Variants in FAF1 observed in about 807,000 individuals in gnomAD.
FAF1 encodes the protein Fas associated factor 1, also known as FAS-associated factor 1.
FAF1 carries 25 observed loss-of-function variants against 92.5 expected under a neutral mutation model. The observed-to-expected ratio is 0.27, with a 90% CI of 0.20 to 0.38. The LOEUF is 0.38. Ranked by LOEUF, FAF1 falls within the 10% of genes least tolerant of loss-of-function variation. The pLI is 1.00. For missense variants in FAF1, 636 were observed against 793.3 expected (o/e 0.80, Z 2.38); for synonymous variants, 234 against 273.2 (o/e 0.86, Z 1.42).
chr1:50,904,273 T>C (rs560005425), intron 1 of FAF1, among the ~76,000 whole-genome samples: 10 of 152,212 alleles, frequency 6.6e-5, no homozygotes, highest in Non-Finnish European at 1.2e-4. Context: ...AAGGGACAAA[T>C]ACTGTATGAT....
chr1:50,882,613 TA>T, intron 1 of FAF1, among the ~76,000 whole-genome samples: 1 of 147,118 alleles, frequency 6.8e-6, no homozygotes, highest in Non-Finnish European at 1.5e-5. Flanking sequence ...AATAAATAAA[TA>T]AATAAATAAA....
intron 7 of FAF1, among the ~76,000 whole-genome samples, chr1:50,704,203 G>A (rs372148317): frequency 6.6e-6 from 1 of 151,994 alleles, no homozygotes; most frequent in African/African-American, 2.4e-5. Context: ...AGCATTTTTA[G>A]GCTATCTGCT....
At chr1:50,919,466 G>C (rs76331537) in intron 1 of FAF1, among the ~76,000 whole-genome samples, 1,978 of 151,804 alleles carry the variant, frequency 0.013, 43 homozygotes, top group African/African-American at 0.044. Context: ...TAAAATAAAG[G>C]CTGCCGGGGG....
At chr1:50,734,451 T>C (rs1659053673) in intron 6 of FAF1, among the ~76,000 whole-genome samples, 1 of 152,026 alleles carries the variant, frequency 6.6e-6, no homozygotes, top group African/African-American at 2.4e-5. Flanking sequence ...AAAACACATG[T>C]AGGCCGGCCA....
intron 1 of FAF1, among the ~76,000 whole-genome samples, chr1:50,952,681 G>T (rs533400330): frequency 1.3e-5 from 2 of 150,938 alleles, no homozygotes; most frequent in East Asian, 3.9e-4. Flanking sequence ...CTGCCCGGCC[G>T]CCCATCGTCT....
chr1:50,630,040 G>A (rs948332450), intron 8 of FAF1, among the ~76,000 whole-genome samples: 2 of 150,844 alleles, frequency 1.3e-5, no homozygotes, highest in African/African-American at 4.9e-5. Flanking sequence ...CCTGGCGACA[G>A]AGCGAGCCTC....
rs972227123 is a variant in FAF1, at chr1:50,439,998, C to T, written c.*1442G>A. On this transcript the variant is annotated 3_prime_UTR_variant, in exon 19 of 19. Coordinates refer to ENST00000396153, the MANE Select transcript of FAF1 (RefSeq NM_007051.3). ...GTGTAATTTTCCTGGCCAACATCCA[C>T]TTCTGGGCAGAAGGAAAATGAGCAG... is the stretch of plus-strand genomic sequence containing the variant. 2 of 152,240 alleles carry T rather than the reference C, an allele frequency of 1.3e-5. No homozygotes were observed. The highest frequency in any genetic ancestry group is 4.8e-5 in the African/African-American group (2 of 41,456). 9.4% of individuals were successfully genotyped at this position (152,240 alleles called of 1,614,324 possible).
At position 50,891,703 on chromosome 1, in the gene FAF1, G is replaced by T. The variant is rs182832986; in HGVS notation, c.46-33706C>A. 1.1e-4 allele frequency among the ~76,000 whole-genome samples: 16 copies of T among 152,312 alleles called. No homozygotes were observed. The East Asian group carries it at 2.3e-3, about 22-fold the overall frequency. ...TGCTGAACAGCAAATGTTGCTGCCTGATGATTCCTCTTGAAGTTTCGTCTC... is the reference window on the plus strand; with the variant it reads ...TGCTGAACAGCAAATGTTGCTGCCTTATGATTCCTCTTGAAGTTTCGTCTC... On this transcript the variant is annotated intron_variant, in intron 1 of 18. Transcript: ENST00000396153.
intron 6 of FAF1, among the ~76,000 whole-genome samples, chr1:50,729,380 G>T (rs1225014410): frequency 6.7e-6 from 1 of 150,276 alleles, no homozygotes; most frequent in East Asian, 2.0e-4. Context: ...ATTATCTATG[G>T]TCACAAGTGA....
intron 9 of FAF1, among the ~76,000 whole-genome samples, chr1:50,585,880 T>TACA: frequency 1.1e-5 from 1 of 90,680 alleles, no homozygotes; most frequent in South Asian, 3.8e-4. Context: ...CATCTCTACA[T>TACA]AAAAAAAAAA....
In FAF1 at chr1:50,777,452, T is replaced by C. The variant is rs563809152; in HGVS notation, c.367+10548A>G. ...GAGAAAAAAATCATTTCAAGTCACA[T>C]GAATTCAAAAATGCCATAGTGAATT... On this transcript the variant is annotated intron_variant, in intron 4 of 18. Transcript: ENST00000396153. Among the ~76,000 whole-genome samples the C allele has an allele frequency of 2.0e-5, 3 of 152,226 alleles. No homozygotes were observed. In the East Asian group the frequency reaches 5.8e-4, roughly 29 times the overall value.
intron 12 of FAF1, among the ~76,000 whole-genome samples, chr1:50,577,240 C>A (rs1189291127): frequency 6.6e-6 from 1 of 152,186 alleles, no homozygotes. Context: ...AATCTTCCCC[C>A]TAGGCTGGGC....
intron 1 of FAF1, among the ~76,000 whole-genome samples, chr1:50,893,774 A>G (rs926744405): frequency 2.0e-5 from 3 of 152,176 alleles, no homozygotes; most frequent in Non-Finnish European, 4.4e-5. Context: ...CCTTCCCTAA[A>G]GCATGAAAAT....
intron 1 of FAF1, among the ~76,000 whole-genome samples, chr1:50,880,569 CAT>C (rs1644603725): frequency 6.6e-6 from 1 of 152,158 alleles, no homozygotes; most frequent in African/African-American, 2.4e-5. Flanking sequence ...CAAGGAAAGT[CAT>C]ATGAGGACAC....
At chr1:50,490,069 C>T (rs147802724) in intron 17 of FAF1, among the ~76,000 whole-genome samples, 14 of 152,216 alleles carry the variant, frequency 9.2e-5, no homozygotes, top group African/African-American at 3.4e-4. Context: ...GAAATATTAA[C>T]AGTTTTGCAG....
intron 2 of FAF1, among the ~76,000 whole-genome samples, chr1:50,831,536 A>G (rs1331357805): frequency 2.6e-5 from 4 of 152,182 alleles, no homozygotes; most frequent in South Asian, 4.1e-4. Flanking sequence ...CCCCTTGTAC[A>G]GTGTTGGGTT....
intron 1 of FAF1, among the ~76,000 whole-genome samples, chr1:50,859,847 A>G (rs568994984): frequency 6.6e-6 from 1 of 152,182 alleles, no homozygotes; most frequent in African/African-American, 2.4e-5. Context: ...ACTTCAAACT[A>G]TACTGTAAGG....
rs886254395 is a variant in FAF1, at chr1:50,553,116, T to C, written c.1269-13388A>G. ...GGATGAGGAATATGAAAACTGGATA[T>C]AGGAAAGGGTAGATGGGGTGAGAGA... On this transcript the variant is annotated intron_variant, in intron 13 of 18. Coordinates refer to ENST00000396153, the MANE Select transcript of FAF1 (RefSeq NM_007051.3). Among the ~76,000 whole-genome samples the C allele has an allele frequency of 3.3e-5, 5 of 151,832 alleles. No homozygotes were observed. The East Asian group carries it at 9.7e-4, about 29-fold the overall frequency.
At chr1:50,506,045 G>GA (rs1647054440) in intron 15 of FAF1, among the ~76,000 whole-genome samples, 4 of 152,170 alleles carry the variant, frequency 2.6e-5, no homozygotes, top group Admixed American at 2.6e-4. Context: ...GCCAATAGTA[G>GA]AAAGTCTTGA....
Sources: allele counts gnomAD v4.1 joint callset (sites outside exome capture counted in the v4.1 genomes callset), GRCh38; gene constraint gnomAD v4.1.1; transcripts MANE v1.5; gene names NCBI Gene and HGNC (gene_info 2026-07-23, HGNC 2026-07-21).